Variants in KLF12 observed in about 807,000 individuals in gnomAD.
The protein encoded by KLF12 is KLF transcription factor 12, also known as Krueppel-like factor 12.
In KLF12, 9 loss-of-function variants were observed where a neutral mutation model predicts 37.8. The ratio of observed to expected loss-of-function variants is 0.24; its 90% CI spans 0.14 to 0.42. The LOEUF (loss-of-function observed/expected upper bound fraction) is 0.42, where lower values mean the gene tolerates loss of function less well. Among genes scored for constraint, KLF12 ranks in the 10% least tolerant of loss-of-function variants. The pLI is 1.00. For missense variants in KLF12, 411 were observed against 516.0 expected (o/e 0.80, Z 1.97); for synonymous variants, 208 against 202.1 (o/e 1.03, Z -0.25).
At chr13:73,810,400 G>A (rs1882862973) in intron 5 of KLF12, among the ~76,000 whole-genome samples, 2 of 152,018 alleles carry the variant, frequency 1.3e-5, no homozygotes, top group African/African-American at 4.8e-5. Context: ...ATAATTATTT[G>A]CTATACAAGC....
intron 2 of KLF12, among the ~76,000 whole-genome samples, chr13:73,994,471 C>G (rs1299672406): frequency 6.8e-6 from 1 of 146,728 alleles, no homozygotes; most frequent in East Asian, 2.0e-4. Context: ...CAGCGCCCCC[C>G]CCACCACCAC....
chr13:74,026,860 G>A (rs185091515), intron 1 of KLF12, among the ~76,000 whole-genome samples: 1 of 152,116 alleles, frequency 6.6e-6, no homozygotes, highest in Admixed American at 6.5e-5. Flanking sequence ...GCTTCAAGTC[G>A]ATCAGCTAGT....
rs532928837 is a variant in KLF12, at chr13:73,762,774, A to G, written c.869+2164T>C. Among the ~76,000 whole-genome samples the G allele has an allele frequency of 4.6e-5, 7 of 152,246 alleles. No individual in the cohort carries two copies. The East Asian group carries it at 1.2e-3, about 25-fold the overall frequency. On this transcript the variant is annotated intron_variant, in intron 6 of 7. Transcript: ENST00000377669. The stretch of plus-strand genomic sequence containing the variant: ...TAAACTTTCTGAATTTTCAGGGCCA[A>G]TATTTCACTAAGAAATAACAAGTGT...
chr13:74,137,059 C>T (rs1017617400), upstream of KLF12, among the ~76,000 whole-genome samples: 4 of 152,226 alleles, frequency 2.6e-5, no homozygotes, highest in African/African-American at 9.6e-5. Flanking sequence ...CAAACTAGTT[C>T]ATGTAATTCT....
intron 3 of KLF12, among the ~76,000 whole-genome samples, chr13:73,930,746 AAC>A (rs1889628331): frequency 6.6e-6 from 1 of 152,192 alleles, no homozygotes; most frequent in South Asian, 2.1e-4. Flanking sequence ...TTACAGTATA[AAC>A]AGACTGACAG....
intron 4 of KLF12, among the ~76,000 whole-genome samples, chr13:73,814,248 A>G (rs182424550): frequency 6.6e-6 from 1 of 152,190 alleles, no homozygotes; most frequent in Non-Finnish European, 1.5e-5. Context: ...TAAAACCACC[A>G]CTGCTTGCGG....
chr13:74,184,615 A>C, the KLF12 span, among the ~76,000 whole-genome samples: 1 of 152,206 alleles, frequency 6.6e-6, no homozygotes, highest in African/African-American at 2.4e-5. Flanking sequence ...AAAATCTTCA[A>C]AAGTATGCTT....
At chr13:73,755,613 TTC>T (rs201353983) in intron 6 of KLF12, among the ~76,000 whole-genome samples, 41 of 132,132 alleles carry the variant, frequency 3.1e-4, no homozygotes, top group Middle Eastern at 3.9e-3. Flanking sequence ...ACAAAGCACT[TTC>T]TCTCTTTTTT....
chr13:74,222,970 A>AGTTATT, the KLF12 span, among the ~76,000 whole-genome samples: 1 of 152,226 alleles, frequency 6.6e-6, no homozygotes, highest in Non-Finnish European at 1.5e-5. Flanking sequence ...TCTTAGTAAG[A>AGTTATT]CTTAGAAAAG....
the KLF12 span, among the ~76,000 whole-genome samples, chr13:74,192,064 G>A: frequency 6.6e-6 from 1 of 151,888 alleles, no homozygotes; most frequent in African/African-American, 2.4e-5. Flanking sequence ...TTGTAACTAG[G>A]CCTTGTAAAC....
At chr13:73,807,440 T>C (rs911744709) in intron 5 of KLF12, among the ~76,000 whole-genome samples, 1 of 152,190 alleles carries the variant, frequency 6.6e-6, no homozygotes, top group African/African-American at 2.4e-5. Flanking sequence ...GATAAGACTA[T>C]ACATTTCCAG....
At chr13:74,200,481 C>T in the KLF12 span, among the ~76,000 whole-genome samples, 13 of 152,026 alleles carry the variant, frequency 8.6e-5, no homozygotes, top group African/African-American at 1.2e-4. Context: ...GCCTGGATTT[C>T]GTCTTGGAAA....
chr13:73,823,741 G>A (rs899130970), intron 4 of KLF12, among the ~76,000 whole-genome samples: 17 of 151,268 alleles, frequency 1.1e-4, no homozygotes, highest in East Asian at 1.9e-4. Flanking sequence ...AGAGAGTTTC[G>A]CTCTTGTTGC....
At chr13:73,825,977 A>ATT (rs199514948) in intron 4 of KLF12, among the ~76,000 whole-genome samples, 1 of 144,430 alleles carries the variant, frequency 6.9e-6, no homozygotes. Flanking sequence ...ATCATTCAAC[A>ATT]TTTTTTTTTT....
intron 7 of KLF12, among the ~76,000 whole-genome samples, chr13:73,710,710 TCCCTCTTC>T (rs1875325202): frequency 6.6e-6 from 1 of 152,078 alleles, no homozygotes. Context: ...CCCATCTTAC[TCCCTCTTC>T]TTGAGCCCCC....
At position 73,686,191 on chromosome 13, in the gene KLF12, T is replaced by C. The variant is rs1219411560; in HGVS notation, c.*9299A>G. 2 of 152,608 alleles carry C rather than the reference T, an allele frequency of 1.3e-5. No individual in the cohort carries two copies. The highest frequency in any genetic ancestry group is 4.8e-5 in the African/African-American group (2 of 41,448). The allele number at this position is 152,608 out of a possible 1,614,324, so 9.5% of individuals were successfully genotyped here. ...TTTAAACTCTATTTCAGTTCACAGC[T>C]CAATTCATAGGAAAGTTGAATACAG... On this transcript the variant is annotated 3_prime_UTR_variant, in exon 8 of 8. Coordinates refer to ENST00000377669, the MANE Select transcript of KLF12 (RefSeq NM_007249.5).
intron 3 of KLF12, among the ~76,000 whole-genome samples, chr13:73,922,208 T>C (rs535671669): frequency 2.0e-5 from 3 of 152,296 alleles, no homozygotes; most frequent in African/African-American, 4.8e-5. Flanking sequence ...AAAATTACTT[T>C]ATTCTTGCCC....
chr13:74,207,133 G>A, the KLF12 span, among the ~76,000 whole-genome samples: 1 of 152,174 alleles, frequency 6.6e-6, no homozygotes, highest in East Asian at 1.9e-4. Flanking sequence ...GGCTGAACCT[G>A]TCCTTTCATG....
At chr13:73,897,570 C>T (rs373649893) in intron 3 of KLF12, among the ~76,000 whole-genome samples, 74 of 152,276 alleles carry the variant, frequency 4.9e-4, no homozygotes, top group African/African-American at 1.7e-3. Context: ...CCTTTTTCAA[C>T]CCCCAAATTC....
Sources: gnomAD v4.1 joint callset for allele counts (sites outside exome capture counted in the v4.1 genomes callset) on GRCh38, gnomAD v4.1.1 for gene constraint, MANE v1.5 for transcripts, NCBI Gene and HGNC (gene_info 2026-07-23, HGNC 2026-07-21) for gene names.